Variants in ZBED4 observed in about 807,000 individuals in gnomAD.
ZBED4 encodes zinc finger BED domain-containing protein 4.
In ZBED4, 4 loss-of-function variants were observed where a neutral mutation model predicts 15.5. The ratio of observed to expected loss-of-function variants is 0.26; its 90% CI spans 0.13 to 0.59. The LOEUF (loss-of-function observed/expected upper bound fraction) is 0.59, where lower values mean the gene tolerates loss of function less well. Ranked by LOEUF, ZBED4 falls within the 20% of genes least tolerant of loss-of-function variation. ZBED4 has a pLI of 0.90. For missense variants in ZBED4, 1,323 were observed against 1,461.8 expected (o/e 0.91, Z 1.55); for synonymous variants, 692 against 608.5 (o/e 1.14, Z -2.02).
chr22:49,880,950 A>G (rs1328254381), intron 1 of ZBED4, among the ~76,000 whole-genome samples: 2 of 152,246 alleles, frequency 1.3e-5, no homozygotes, highest in East Asian at 1.9e-4. Flanking sequence ...TAAGACCTGT[A>G]TACTTGTGTA....
At chr22:49,873,414 A>G (rs1225056628) in intron 1 of ZBED4, among the ~76,000 whole-genome samples, 1 of 152,202 alleles carries the variant, frequency 6.6e-6, no homozygotes, top group East Asian at 1.9e-4. Context: ...TTATCAGTTA[A>G]GTTCACTGTC....
In ZBED4 at chr22:49,887,198, A is replaced by G. The variant is rs1196423556; in HGVS notation, c.*20A>G. ...TATTGAAACTCACGACGGCACCACT[A>G]GGCCAGAGGCGTGGCTGCCCCAGCG... On this transcript the variant is annotated 3_prime_UTR_variant, in exon 2 of 2. Coordinates refer to ENST00000216268, the MANE Select transcript of ZBED4 (RefSeq NM_014838.3). 4 of 1,586,120 alleles carry G rather than the reference A, an allele frequency of 2.5e-6. No homozygotes were observed. Among genetic ancestry groups the G allele is most frequent in the Non-Finnish European group, 3.4e-6 (4 of 1,165,046 alleles).
In ZBED4 at chr22:49,883,345, G is replaced by C. The variant is rs924448452; in HGVS notation, c.-318G>C. ...TTCATCTCTTATAGGTAATGCACAA[G>C]GGTCACGTGTATGCTCTCAAGATGA... On this transcript the variant is annotated 5_prime_UTR_variant, in exon 2 of 2. Transcript: ENST00000216268. 2 of 216,844 alleles carry C rather than the reference G, an allele frequency of 9.2e-6. No individual in the cohort carries two copies. 13.4% of individuals were successfully genotyped at this position (216,844 alleles called of 1,614,324 possible).
At chr22:49,854,309 G>A (rs2060265570) in intron 1 of ZBED4, among the ~76,000 whole-genome samples, 1 of 151,032 alleles carries the variant, frequency 6.6e-6, no homozygotes, top group Non-Finnish European at 1.5e-5. Context: ...TCGGGCTCGG[G>A]GCGCCGCCCG....
intron 1 of ZBED4, among the ~76,000 whole-genome samples, chr22:49,858,149 G>A (rs187009547): frequency 1.8e-4 from 27 of 151,502 alleles, no homozygotes; most frequent in African/African-American, 5.6e-4. Flanking sequence ...TGATCCACCC[G>A]CCTTTGCCTC....
upstream of ZBED4, chr22:49,853,460 C>G (rs748116650): frequency 6.6e-6 from 1 of 152,248 alleles, no homozygotes; most frequent in Non-Finnish European, 1.5e-5. Context: ...GCGCTGCTAG[C>G]CGTCCCGGAA....
intron 1 of ZBED4, among the ~76,000 whole-genome samples, chr22:49,870,490 AT>A (rs1361491423): frequency 6.6e-6 from 1 of 150,826 alleles, no homozygotes; most frequent in Non-Finnish European, 1.5e-5. Flanking sequence ...AGCATCTGTT[AT>A]TTTTTTCTTT....
In ZBED4 at chr22:49,864,937, G is replaced by C. The variant is rs868645150; in HGVS notation, c.-330+10948G>C. 7.8e-3 allele frequency among the ~76,000 whole-genome samples: 88 copies of C among 11,282 alleles called. 2 individuals carry two copies. Among genetic ancestry groups the C allele is most frequent in the South Asian group, 0.04 (9 of 224 alleles). The allele number at this position is 11,282 out of a possible 152,430, so 7.4% of individuals were successfully genotyped here. A position where few individuals can be genotyped will look rare whatever the true frequency, so the allele number is the denominator to read the frequency against. On this transcript the variant is annotated intron_variant, in intron 1 of 1. Transcript: ENST00000216268. ...TGACCATGGGGTTCTATCCCAGCAA[G>C]CCCCCCCCCCCCCCCGTGAAGTCAG...
rs2060420385 is a variant in ZBED4, at chr22:49,883,578, G to C, written c.-85G>C. On this transcript the variant is annotated 5_prime_UTR_variant, in exon 2 of 2. Coordinates refer to ENST00000216268, the MANE Select transcript of ZBED4 (RefSeq NM_014838.3). ...GATGGAATTATGACGAAAAAGTGAA[G>C]ATAATCTACATTCGGGGGCACAAAT... The C allele has an allele frequency of 1.4e-6, 2 of 1,432,104 alleles. No homozygotes were observed. Among genetic ancestry groups the C allele is most frequent in the African/African-American group, 1.6e-5 (1 of 62,638 alleles). The allele number at this position is 1,432,104 out of a possible 1,614,324, so 88.7% of individuals were successfully genotyped here.
chr22:49,856,825 C>G (rs1366358667), intron 1 of ZBED4, among the ~76,000 whole-genome samples: 1 of 149,504 alleles, frequency 6.7e-6, no homozygotes, highest in African/African-American at 2.5e-5. Context: ...GCGCTGGAAT[C>G]CCGGCCGGCT....
chr22:49,855,088 G>A (rs2060269276), intron 1 of ZBED4, among the ~76,000 whole-genome samples: 1 of 152,154 alleles, frequency 6.6e-6, no homozygotes, highest in African/African-American at 2.4e-5. Flanking sequence ...AAGTTTACAG[G>A]AGTTTGATTC....
rs113510025 is a variant in ZBED4 at position 49,885,939 on chromosome 22, G to A, written c.2277G>A (p.Pro759=). Residue 759 remains proline (P), a synonymous_variant, in exon 2 of 2, where the codon CCG becomes CCA. Coordinates refer to ENST00000216268, the MANE Select transcript of ZBED4 (RefSeq NM_014838.3). ...HWVSFESPAR[P]RCDDHHCSAL... is the part of the protein sequence containing the mutation. ...TTTCCTTCGAGTCGCCAGCCCGGCC[G>A]CGCTGTGACGACCACCACTGCTCGG... The A allele has an allele frequency of 7.7e-5, 60 of 783,140 alleles. 1 individual carries two copies. Among genetic ancestry groups the A allele is most frequent in the South Asian group, 2.3e-4 (15 of 66,046 alleles). The allele number at this position is 783,140 out of a possible 1,614,324, so 48.5% of individuals were successfully genotyped here. A position where few individuals can be genotyped will look rare whatever the true frequency, so the allele number is the denominator to read the frequency against.
At chr22:49,880,425 C>T (rs939359255) in intron 1 of ZBED4, among the ~76,000 whole-genome samples, 2 of 152,250 alleles carry the variant, frequency 1.3e-5, no homozygotes, top group African/African-American at 4.8e-5. Flanking sequence ...CTCGAGACCA[C>T]CGGGCTCTGC....
Position 49,884,607 on chromosome 22 carries a change from G to C in ZBED4, c.945G>C (p.Arg315=). The C allele has an allele frequency of 2.5e-6, 4 of 1,612,534 alleles. No homozygotes were observed. In the African/African-American group the frequency reaches 4.0e-5, roughly 16 times the overall value. Reference sequence around the variant, plus strand: ...TTCACTGCATGAACGAGTTCAGCCGGGGGAAGAATGGGAAGGACCTGGGCA... The same window carrying C: ...TTCACTGCATGAACGAGTTCAGCCGCGGGAAGAATGGGAAGGACCTGGGCA... ...VCIHCMNEFS[R]GKNGKDLGTS... is the part of the protein sequence containing the mutation. The change falls in exon 2 of 2, where the codon CGG becomes CGC. Residue 315 remains arginine, a synonymous_variant. Coordinates refer to ENST00000216268, the MANE Select transcript of ZBED4 (RefSeq NM_014838.3).
rs994619930 is a variant in ZBED4 at position 49,887,140 on chromosome 22, T to C, written c.3478T>C (p.Leu1160=). 6.2e-7 allele frequency: 1 copy of C among 1,613,388 alleles called. No individual in the cohort carries two copies. The highest frequency in any genetic ancestry group is 8.5e-7 in the Non-Finnish European group (1 of 1,179,678). The change falls in exon 2 of 2, where the codon TTG becomes CTG. Residue 1160 remains leucine (L), a synonymous_variant. Coordinates refer to ENST00000216268, the MANE Select transcript of ZBED4 (RefSeq NM_014838.3). The part of the protein sequence containing the change: ...MMEHFEKLIF[L]KVNLPLIYFQ... The stretch of plus-strand genomic sequence containing the variant: ...GGAACATTTTGAAAAACTTATCTTT[T>C]TGAAAGTGAATCTTCCCTTAATATA...
intron 1 of ZBED4, among the ~76,000 whole-genome samples, chr22:49,860,440 T>C (rs985307485): frequency 6.6e-6 from 1 of 152,270 alleles, no homozygotes; most frequent in Admixed American, 6.5e-5. Flanking sequence ...CAGTAGGTTG[T>C]AGAATTACAA....
At chr22:49,865,410 G>T (rs1346573459) in intron 1 of ZBED4, among the ~76,000 whole-genome samples, 1 of 152,024 alleles carries the variant, frequency 6.6e-6, no homozygotes, top group Non-Finnish European at 1.5e-5. Context: ...AGCACTTCGG[G>T]GGCTAAGGCG....
chr22:49,865,851 G>C (rs1465707868), intron 1 of ZBED4, among the ~76,000 whole-genome samples: 2 of 149,198 alleles, frequency 1.3e-5, no homozygotes, highest in Non-Finnish European at 2.9e-5. Context: ...TAAAATCCTT[G>C]GTTCACATTT....
intron 1 of ZBED4, among the ~76,000 whole-genome samples, chr22:49,862,239 T>C (rs1283809190): frequency 6.6e-6 from 1 of 152,236 alleles, no homozygotes; most frequent in Middle Eastern, 3.2e-3. Context: ...GCCCCAACGC[T>C]TCTGCCGCAA....
Sources: gnomAD v4.1 joint callset for allele counts (sites outside exome capture counted in the v4.1 genomes callset) on GRCh38, gnomAD v4.1.1 for gene constraint, MANE v1.5 for transcripts, NCBI Gene and HGNC (gene_info 2026-07-23, HGNC 2026-07-21) for gene names.